Variants in MECOM observed in about 807,000 individuals in gnomAD.
MECOM encodes the protein MDS1 and EVI1 complex locus.
In MECOM, 13 loss-of-function variants were observed where a neutral mutation model predicts 116.3. The observed-to-expected ratio is 0.11, with a 90% CI of 0.07 to 0.18. The LOEUF is 0.18. Among genes scored for constraint, MECOM ranks in the 10% least tolerant of loss-of-function variants. The pLI is 1.00. For synonymous variants in MECOM, 528 were observed against 535.2 expected (o/e 0.99, Z 0.19); for missense variants, 1,299 against 1,509.0 (o/e 0.86, Z 2.31).
At chr3:169,633,632 G>A (rs183957375) in intron 1 of MECOM, among the ~76,000 whole-genome samples, 33 of 152,068 alleles carry the variant, frequency 2.2e-4, no homozygotes, top group Middle Eastern at 3.4e-3. Flanking sequence ...ACTCTGTGTC[G>A]ATCAACCACT....
At chr3:169,270,423 T>C (rs1434432252) in intron 2 of MECOM, among the ~76,000 whole-genome samples, 1 of 152,060 alleles carries the variant, frequency 6.6e-6, no homozygotes, top group Non-Finnish European at 1.5e-5. Flanking sequence ...ATGCAATTTA[T>C]AATATTTATG....
chr3:169,272,637 T>G (rs1426117280), intron 2 of MECOM, among the ~76,000 whole-genome samples: 1 of 152,120 alleles, frequency 6.6e-6, no homozygotes, highest in African/African-American at 2.4e-5. Context: ...GAGGAGACCA[T>G]CTTAGAAGCT....
intron 1 of MECOM, among the ~76,000 whole-genome samples, chr3:169,483,050 T>A (rs369811337): frequency 2.4e-4 from 37 of 152,140 alleles, no homozygotes; most frequent in African/African-American, 8.2e-4. Context: ...GGTATTCACC[T>A]CAACTCGAAT....
intron 2 of MECOM, among the ~76,000 whole-genome samples, chr3:169,193,343 T>C (rs1747966817): frequency 6.6e-6 from 1 of 151,906 alleles, no homozygotes; most frequent in Non-Finnish European, 1.5e-5. Flanking sequence ...AGGAAAAAAA[T>C]AGTTCTCAAC....
In MECOM at chr3:169,254,139, G is replaced by A. The variant is rs191139288; in HGVS notation, c.376-110307C>T. Among the ~76,000 whole-genome samples the A allele has an allele frequency of 5.5e-4, 84 of 152,096 alleles. 1 individual carries two copies. In the South Asian group the frequency reaches 7.7e-3, roughly 14 times the overall value. On this transcript the variant is annotated intron_variant, in intron 2 of 16. Coordinates refer to ENST00000651503, the MANE Select transcript of MECOM (RefSeq NM_004991.4). Reference sequence around the variant, plus strand: ...ATAAGACTTAGCATATTGTTTGGACGGGATGTGAAAATCTTGGCATTAACA... The same window carrying A: ...ATAAGACTTAGCATATTGTTTGGACAGGATGTGAAAATCTTGGCATTAACA...
At chr3:169,320,442 G>A (rs1720649036) in intron 2 of MECOM, among the ~76,000 whole-genome samples, 1 of 152,166 alleles carries the variant, frequency 6.6e-6, no homozygotes, top group Non-Finnish European at 1.5e-5. Flanking sequence ...AGGATAAAGA[G>A]GGATCTGAGT....
intron 2 of MECOM, among the ~76,000 whole-genome samples, chr3:169,331,867 G>T (rs1183585458): frequency 6.6e-6 from 1 of 151,928 alleles, no homozygotes; most frequent in African/African-American, 2.4e-5. Flanking sequence ...CCTCAAAGAG[G>T]CTTTTGATTC....
chr3:169,646,412 T>C (rs1433108489), intron 1 of MECOM, among the ~76,000 whole-genome samples: 1 of 152,010 alleles, frequency 6.6e-6, no homozygotes, highest in Admixed American at 6.6e-5. Flanking sequence ...TGTATACATA[T>C]GTAACAAAAC....
At chr3:169,479,905 G>C (rs1333765652) in intron 1 of MECOM, among the ~76,000 whole-genome samples, 2 of 152,134 alleles carry the variant, frequency 1.3e-5, no homozygotes, top group African/African-American at 2.4e-5. Flanking sequence ...AAAATGTTAA[G>C]ACAAATTCCC....
At chr3:169,476,444 A>C (rs925449922) in intron 1 of MECOM, among the ~76,000 whole-genome samples, 1 of 152,198 alleles carries the variant, frequency 6.6e-6, no homozygotes, top group Non-Finnish European at 1.5e-5. Context: ...TAAAGTCATC[A>C]ATAACGCTTT....
chr3:169,542,265 A>G (rs1252886963), intron 1 of MECOM, among the ~76,000 whole-genome samples: 1 of 152,044 alleles, frequency 6.6e-6, no homozygotes, highest in Admixed American at 6.6e-5. Context: ...TTTTTGTTCT[A>G]CTTTTCCAAA....
intron 7 of MECOM, among the ~76,000 whole-genome samples, chr3:169,120,519 G>C (rs1342987403): frequency 6.6e-6 from 1 of 152,170 alleles, no homozygotes; most frequent in Non-Finnish European, 1.5e-5. Context: ...GAGAACTACA[G>C]ATCCGACAGC....
chr3:169,133,988 A>G (rs1735572075), intron 3 of MECOM: 1 of 1,287,282 alleles, frequency 7.8e-7, no homozygotes, highest in Non-Finnish European at 1.0e-6. Context: ...GAATTGTGAC[A>G]TATTAGAACT....
At chr3:169,517,718 C>T (rs1225286086) in intron 1 of MECOM, among the ~76,000 whole-genome samples, 8 of 152,154 alleles carry the variant, frequency 5.3e-5, no homozygotes, top group Admixed American at 5.2e-4. Flanking sequence ...CACAAAGACA[C>T]TCCCAAAACA....
chr3:169,504,554 GC>G (rs1754967058), intron 1 of MECOM, among the ~76,000 whole-genome samples: 1 of 152,028 alleles, frequency 6.6e-6, no homozygotes, highest in African/African-American at 2.4e-5. Context: ...ATTGAAAAGA[GC>G]TCATAAACCA....
chr3:169,297,100 A>G (rs958140672), intron 2 of MECOM, among the ~76,000 whole-genome samples: 7 of 152,264 alleles, frequency 4.6e-5, no homozygotes, highest in Non-Finnish European at 1.0e-4. Flanking sequence ...AGACAAAGCC[A>G]GTCCCATAAA....
At chr3:169,488,916 C>T (rs1560345496) in intron 1 of MECOM, among the ~76,000 whole-genome samples, 1 of 150,706 alleles carries the variant, frequency 6.6e-6, no homozygotes, top group East Asian at 1.9e-4. Context: ...AAAGGATGAA[C>T]AGAATTAAAA....
chr3:169,313,938 A>G (rs138658606), intron 2 of MECOM, among the ~76,000 whole-genome samples: 2 of 152,330 alleles, frequency 1.3e-5, no homozygotes, highest in African/African-American at 4.8e-5. Flanking sequence ...ACACTGATCA[A>G]GAAACAGACT....
intron 1 of MECOM, among the ~76,000 whole-genome samples, chr3:169,474,701 T>C (rs985604265): frequency 1.3e-5 from 2 of 152,168 alleles, no homozygotes; most frequent in African/African-American, 4.8e-5. Flanking sequence ...ATTTGGAAGA[T>C]ACAAAAACTC....
Sources: allele counts gnomAD v4.1 joint callset (sites outside exome capture counted in the v4.1 genomes callset), GRCh38; gene constraint gnomAD v4.1.1; transcripts MANE v1.5; gene names NCBI Gene and HGNC (gene_info 2026-07-23, HGNC 2026-07-21).